The following UGT1A9 variants were observed in gnomAD, a reference collection of about 807,000 sequenced individuals.
UGT1A9 encodes the protein UDP glucuronosyltransferase family 1 member A9.
A neutral mutation model predicts 45.0 loss-of-function variants in UGT1A9; 35 were observed. The observed-to-expected ratio is 0.78, with a 90% CI of 0.59 to 1.03. The LOEUF (loss-of-function observed/expected upper bound fraction) is 1.03, where lower values mean the gene tolerates loss of function less well. UGT1A9 is among the 50% of genes least tolerant of loss of function. UGT1A9 has a pLI of 0.00. For synonymous variants in UGT1A9, 278 were observed against 250.6 expected (o/e 1.11, Z -1.03); for missense variants, 687 against 666.6 (o/e 1.03, Z -0.34).
At chr2:233,691,618 C>T in intron 1 of UGT1A9, 3 of 985,676 alleles carry the variant, frequency 3.0e-6, no homozygotes, top group Non-Finnish European at 3.6e-6. Context: ...GGACCGCCCT[C>T]AGCAGTGTGG....
intron 1 of UGT1A9, among the ~76,000 whole-genome samples, chr2:233,746,869 C>T (rs769029902): frequency 3.3e-5 from 5 of 151,744 alleles, no homozygotes; most frequent in African/African-American, 4.9e-5. Flanking sequence ...GCCTGATAAA[C>T]GTGGTTAACA....
rs2076670148 is a variant in UGT1A9, at chr2:233,718,644, C to T, written c.855+45855C>T. ...GATTGGTCTTTCCCAGGGTTGGGCC[C>T]ATAACGAAAGGCAGTTATAGATTAA... On this transcript the variant is annotated intron_variant, in intron 1 of 4. Transcript: ENST00000354728. The T allele has an allele frequency of 2.6e-5, 39 of 1,488,962 alleles. No individual in the cohort carries two copies. The South Asian group carries it at 4.9e-4, about 19-fold the overall frequency. 92.2% of individuals were successfully genotyped at this position (1,488,962 alleles called of 1,614,324 possible). A position where few individuals can be genotyped will look rare whatever the true frequency, so the allele number is the denominator to read the frequency against.
intron 1 of UGT1A9, chr2:233,693,547 A>C: frequency 6.2e-7 from 1 of 1,614,164 alleles, no homozygotes; most frequent in Non-Finnish European, 8.5e-7. Flanking sequence ...TGGAGCATAC[A>C]TTCAGCAGAA....
chr2:233,761,186 T>C, intron 1 of UGT1A9: 1 of 1,614,212 alleles, frequency 6.2e-7, no homozygotes. Context: ...CATGCGTATA[T>C]TCTTTCAGAT....
At chr2:233,692,755 G>A (rs1416113067) in intron 1 of UGT1A9, 3 of 1,150,320 alleles carry the variant, frequency 2.6e-6, no homozygotes, top group Non-Finnish European at 3.4e-6. Flanking sequence ...CAGACTTGTG[G>A]AGCTGAAGAG....
intron 1 of UGT1A9, among the ~76,000 whole-genome samples, chr2:233,711,138 C>G (rs1200151642): frequency 1.3e-5 from 2 of 152,230 alleles, no homozygotes; most frequent in Non-Finnish European, 2.9e-5. Flanking sequence ...AAGCTGATGC[C>G]TTGGGCTGCT....
intron 1 of UGT1A9, chr2:233,748,023 C>T: frequency 6.2e-7 from 1 of 1,613,520 alleles, no homozygotes; most frequent in Non-Finnish European, 8.5e-7. Context: ...GCCGATCATG[C>T]CCAACATGGT....
intron 1 of UGT1A9, among the ~76,000 whole-genome samples, chr2:233,715,690 T>C (rs568505500): frequency 8.8e-4 from 134 of 152,264 alleles, no homozygotes; most frequent in African/African-American, 3.1e-3. Flanking sequence ...GAGGATCACT[T>C]GATCCCAGGA....
At position 233,691,298 on chromosome 2, in the gene UGT1A9, A is replaced by G. The variant is rs754901795; in HGVS notation, c.855+18509A>G. ...TGACTTTGATCATTGTAAGCTGCCA[A>G]TCCTCTTGGGAGGCTGCTCCCAGCT... On this transcript the variant is annotated intron_variant, in intron 1 of 4. Transcript: ENST00000354728. The G allele has an allele frequency of 4.3e-4, 423 of 985,386 alleles. 1 individual carries two copies. Among genetic ancestry groups the G allele is most frequent in the Non-Finnish European group, 4.9e-4 (407 of 829,986 alleles). 61.0% of individuals were successfully genotyped at this position (985,386 alleles called of 1,614,324 possible).
intron 1 of UGT1A9, among the ~76,000 whole-genome samples, chr2:233,699,170 C>G (rs1397049882): frequency 6.6e-6 from 1 of 152,190 alleles, no homozygotes; most frequent in Non-Finnish European, 1.5e-5. Context: ...GTCTGTCTCT[C>G]TGATCCTCAC....
chr2:233,751,468 G>T (rs1694737007), intron 1 of UGT1A9, among the ~76,000 whole-genome samples: 1 of 152,190 alleles, frequency 6.6e-6, no homozygotes, highest in African/African-American at 2.4e-5. Flanking sequence ...AGGCACGATT[G>T]GTTTTGAAAT....
intron 1 of UGT1A9, chr2:233,754,796 A>T (rs1379144475): frequency 8.1e-7 from 1 of 1,232,848 alleles, no homozygotes; most frequent in African/African-American, 1.5e-5. Context: ...GAAATCCTGT[A>T]TCAAAAGAAG....
rs193084224 is a variant in UGT1A9 at position 233,739,721 on chromosome 2, A to C, written c.856-27313A>C. On this transcript the variant is annotated intron_variant, in intron 1 of 4. Coordinates refer to ENST00000354728, the MANE Select transcript of UGT1A9 (RefSeq NM_021027.3). ...ACAGGCTCATGGGGGAAGGGACTTG[A>C]CTTGTCTCAGATGAGACCTTGGACT... 9.4e-3 allele frequency among the ~76,000 whole-genome samples: 1,433 copies of C among 152,244 alleles called. 32 individuals are homozygous for C. The highest frequency in any genetic ancestry group is 0.032 in the African/African-American group (1,344 of 41,496).
At chr2:233,766,541 T>C (rs1699176762) in intron 1 of UGT1A9, among the ~76,000 whole-genome samples, 1 of 152,156 alleles carries the variant, frequency 6.6e-6, no homozygotes, top group Non-Finnish European at 1.5e-5. Context: ...AAAACAAAAA[T>C]GCCTGTCCTC....
At chr2:233,678,562 A>G (rs11692664) in intron 1 of UGT1A9, among the ~76,000 whole-genome samples, 45,659 of 152,048 alleles carry the variant, frequency 0.3, 7,185 homozygotes, top group South Asian at 0.4. Flanking sequence ...TTTATACAGT[A>G]CTAATCCTTC....
Position 233,672,766 on chromosome 2 carries a change from C to A in UGT1A9, c.832C>A (p.His278Asn). 1 of 1,613,786 alleles carries A rather than the reference C, an allele frequency of 6.2e-7. No individual in the cohort carries two copies. The highest frequency in any genetic ancestry group is 8.5e-7 in the Non-Finnish European group (1 of 1,179,748). ...NMIFIGGINC[H>N]QGKPLPMEFE... Reference sequence around the variant, plus strand: ...GATCTTCATTGGTGGTATCAACTGCCATCAGGGAAAGCCGTTGCCTATGGT... The same window carrying A: ...GATCTTCATTGGTGGTATCAACTGCAATCAGGGAAAGCCGTTGCCTATGGT... The change falls in exon 1 of 5, where the codon CAT becomes AAT. Residue 278 changes from histidine to asparagine, a missense_variant. Coordinates refer to ENST00000354728, the MANE Select transcript of UGT1A9 (RefSeq NM_021027.3).
chr2:233,763,903 G>A lies in UGT1A9; in HGVS notation c.856-3131G>A, dbSNP rs779915264. The stretch of plus-strand genomic sequence containing the variant: ...AGAAAAATAACTAAACAGAAGATTA[G>A]TGAGGACCAAGGCTTCGAGATGGCC... On this transcript the variant is annotated intron_variant, in intron 1 of 4. Coordinates refer to ENST00000354728, the MANE Select transcript of UGT1A9 (RefSeq NM_021027.3). 3.3e-5 allele frequency among the ~76,000 whole-genome samples: 5 copies of A among 152,300 alleles called. No individual in the cohort carries two copies. In the South Asian group the frequency reaches 1.0e-3, roughly 32 times the overall value.
At chr2:233,721,825 G>T in intron 1 of UGT1A9, 1 of 515,562 alleles carries the variant, frequency 1.9e-6, no homozygotes, top group Non-Finnish European at 3.9e-6. Context: ...ACCCTATTTG[G>T]GCCACCGACC....
At chr2:233,706,143 A>ACC (rs2075890975) in intron 1 of UGT1A9, among the ~76,000 whole-genome samples, 1 of 152,234 alleles carries the variant, frequency 6.6e-6, no homozygotes, top group African/African-American at 2.4e-5. Context: ...TATTAAACAA[A>ACC]GCATGAGAAC....
Sources: gnomAD v4.1 joint callset for allele counts (sites outside exome capture counted in the v4.1 genomes callset) on GRCh38, gnomAD v4.1.1 for gene constraint, MANE v1.5 for transcripts, NCBI Gene and HGNC (gene_info 2026-07-23, HGNC 2026-07-21) for gene names.